The following TFCP2L1 variants were observed in gnomAD, a reference collection of about 807,000 sequenced individuals.
TFCP2L1 encodes transcription factor CP2 like 1, also known as transcription factor CP2-like protein 1.
In TFCP2L1, 12 loss-of-function variants were observed where a neutral mutation model predicts 72.2. The ratio of observed to expected loss-of-function variants is 0.17; its 90% CI spans 0.11 to 0.27. The LOEUF is 0.27. Among genes scored for constraint, TFCP2L1 ranks in the 10% least tolerant of loss-of-function variants. The pLI, the probability that TFCP2L1 is intolerant of heterozygous loss-of-function variation, is 1.00. For missense variants in TFCP2L1, 488 were observed against 624.6 expected, an observed-to-expected ratio of 0.78 and a Z score of 2.33; for synonymous variants, 260 against 251.0, an observed-to-expected ratio of 1.04 and a Z score of -0.34.
Position 121,231,952 on chromosome 2 carries a change from G to A in TFCP2L1, c.1215C>T (p.Phe405=). ...DSNLSVYHAI[F]LEELTTLELI... ...GCTCCAAGGTGGTCAGCTCTTCCAG[G>A]AAGATGGCGTGGTACACTGGGGGAA... Residue 405 remains phenylalanine, a synonymous_variant, in exon 13 of 15, where the codon TTC becomes TTT. Transcript: ENST00000263707. The A allele has an allele frequency of 6.2e-7, 1 of 1,605,300 alleles. No individual in the cohort carries two copies. Among genetic ancestry groups the A allele is most frequent in the Non-Finnish European group, 8.5e-7 (1 of 1,174,240 alleles).
At chr2:121,224,473 G>C in intron 14 of TFCP2L1, 86 bp from the exon 15 acceptor site, 3 of 1,432,398 alleles carry the variant, frequency 2.1e-6, no homozygotes, top group Non-Finnish European at 2.9e-6. Flanking sequence ...CACGCTGTTA[G>C]GGTATCAGCA....
rs749898348 is a variant in TFCP2L1, at chr2:121,218,130, G to A, written c.*6211C>T. ...GTAGTCAGCAGACTTTTTCTGTAAC[G>A]GGCTAGACGGTAAATATTTTGGGCT... On this transcript the variant is annotated 3_prime_UTR_variant, in exon 15 of 15. Transcript: ENST00000263707. 6 of 152,154 alleles carry A rather than the reference G, an allele frequency of 3.9e-5. No individual in the cohort carries two copies. The highest frequency in any genetic ancestry group is 8.8e-5 in the Non-Finnish European group (6 of 68,038). 9.4% of individuals were successfully genotyped at this position (152,154 alleles called of 1,614,324 possible).
intron 12 of TFCP2L1, among the ~76,000 whole-genome samples, chr2:121,232,551 A>G (rs1416273253): frequency 1.3e-5 from 2 of 152,218 alleles, no homozygotes; most frequent in Non-Finnish European, 2.9e-5. Context: ...AGGGAGTATC[A>G]GGCAATTCTG....
In TFCP2L1 at chr2:121,264,779, G is replaced by T. The variant is rs186920559; in HGVS notation, c.215-15132C>A. ...TGCTTTATGAGGCTGGCAGATGGCT[G>T]CCAGTCTGTTACCCATACCCTCTCC... On this transcript the variant is annotated intron_variant, in intron 2 of 14. Transcript: ENST00000263707. Among the ~76,000 whole-genome samples, 23 of 152,330 alleles carry T rather than the reference G, an allele frequency of 1.5e-4. No individual in the cohort carries two copies. In the East Asian group the frequency reaches 2.1e-3, roughly 14 times the overall value.
At chr2:121,238,173 G>A (rs78382780) in intron 8 of TFCP2L1, among the ~76,000 whole-genome samples, 6,502 of 152,208 alleles carry the variant, frequency 0.043, 214 homozygotes, top group Non-Finnish European at 0.067. Context: ...TGAACTTGGA[G>A]ATTCAAAGCC....
intron 13 of TFCP2L1, 52 bp from the exon 14 acceptor site, chr2:121,225,665 G>T: frequency 6.2e-7 from 1 of 1,603,884 alleles, no homozygotes; most frequent in Non-Finnish European, 8.5e-7. Context: ...TCATCATTTG[G>T]AAAGCCTCGG....
chr2:121,230,084 G>A (rs1169081136), intron 13 of TFCP2L1, among the ~76,000 whole-genome samples: 1 of 152,204 alleles, frequency 6.6e-6, no homozygotes, highest in Non-Finnish European at 1.5e-5. Context: ...ATTCCCAGAA[G>A]GGCTCGGGGT....
intron 1 of TFCP2L1, among the ~76,000 whole-genome samples, chr2:121,284,502 G>A (rs573158200): frequency 6.6e-6 from 1 of 152,358 alleles, no homozygotes; most frequent in Admixed American, 6.5e-5. Flanking sequence ...GCGGGCCTCG[G>A]GCGAACACGC....
In TFCP2L1 at chr2:121,220,327, A is replaced by C. The variant is rs989630866; in HGVS notation, c.*4014T>G. On this transcript the variant is annotated 3_prime_UTR_variant, in exon 15 of 15. Transcript: ENST00000263707. ...CCCAAGTCAAAGCCTCGACCTCCCC[A>C]CCCCATCCTGTCCTTTCCACAGGCA... is the stretch of plus-strand genomic sequence containing the variant. The C allele has an allele frequency of 6.6e-6, 1 of 151,876 alleles. No homozygotes were observed. The highest frequency in any genetic ancestry group is 1.5e-5 in the Non-Finnish European group (1 of 68,044). The allele number at this position is 151,876 out of a possible 1,614,324, so 9.4% of individuals were successfully genotyped here.
Position 121,234,099 on chromosome 2 carries a change from T to C in TFCP2L1, c.1190A>G (p.Asn397Ser), listed in dbSNP as rs767274859. 13 of 1,613,042 alleles carry C rather than the reference T, an allele frequency of 8.1e-6. No homozygotes were observed. Among genetic ancestry groups the C allele is most frequent in the South Asian group, 2.2e-5 (2 of 91,042 alleles). The change falls in exon 12 of 15, where the codon AAC becomes AGC. Residue 397 changes from asparagine to serine, a missense_variant. Transcript: ENST00000263707. Reference protein sequence around the residue: ...QQKRDGSGDSNLSVYHAIFLE... With the variant: ...QQKRDGSGDSSLSVYHAIFLE... ...TGCTCCCCACAACTCACCAGACAGG[T>C]TGCTGTCTCCACTGCCGTCCCGCTT...
chr2:121,274,110 GA>G (rs567602173), intron 2 of TFCP2L1, among the ~76,000 whole-genome samples: 151 of 139,256 alleles, frequency 1.1e-3, no homozygotes, highest in African/African-American at 3.3e-3. Flanking sequence ...AAAAAAAAAA[GA>G]AAAAAAAAAC....
intron 3 of TFCP2L1, among the ~76,000 whole-genome samples, 180 bp from the exon 4 acceptor site, chr2:121,249,267 G>C (rs762617625): frequency 7.2e-5 from 11 of 152,090 alleles, no homozygotes; most frequent in African/African-American, 1.5e-4. Flanking sequence ...ACTAACAACA[G>C]CAACAACAGT....
intron 13 of TFCP2L1, among the ~76,000 whole-genome samples, chr2:121,228,091 C>T (rs1686067314): frequency 6.6e-6 from 1 of 152,222 alleles, no homozygotes; most frequent in African/African-American, 2.4e-5. Flanking sequence ...AATTAAGAAC[C>T]AAAGGTTTCC....
intron 1 of TFCP2L1, among the ~76,000 whole-genome samples, chr2:121,282,841 C>G (rs1178412054): frequency 6.6e-6 from 1 of 152,150 alleles, no homozygotes. Flanking sequence ...CGGCACACAC[C>G]CCATCAACAT....
intron 13 of TFCP2L1, among the ~76,000 whole-genome samples, chr2:121,226,946 A>G (rs575318059): frequency 1.3e-5 from 2 of 152,310 alleles, no homozygotes; most frequent in East Asian, 3.9e-4. Flanking sequence ...TGGTTAGCGC[A>G]GCACCGTCTG....
intron 2 of TFCP2L1, among the ~76,000 whole-genome samples, chr2:121,258,820 C>T (rs1686777231): frequency 6.6e-6 from 1 of 151,976 alleles, no homozygotes. Context: ...AACAATTGGC[C>T]CTATTTTAAT....
intron 7 of TFCP2L1, chr2:121,240,141 G>A: frequency 1.0e-6 from 1 of 985,186 alleles, no homozygotes; most frequent in East Asian, 1.1e-4. Context: ...AGGGGCGGAG[G>A]CTCTTGCACA....
intron 2 of TFCP2L1, among the ~76,000 whole-genome samples, chr2:121,269,918 A>AAAAAAAAAAAAAAATATAT: frequency 5.6e-4 from 65 of 115,148 alleles, no homozygotes; most frequent in South Asian, 1.9e-3. Context: ...AAAAAAAAAA[A>AAAAAAAAAAAAAAATATAT]ATATATATAT....
At chr2:121,273,820 T>C (rs922291297) in intron 2 of TFCP2L1, among the ~76,000 whole-genome samples, 2 of 152,218 alleles carry the variant, frequency 1.3e-5, no homozygotes, top group African/African-American at 4.8e-5. Context: ...TTGAATGATG[T>C]GTCAAAACTA....
Sources: allele counts gnomAD v4.1 joint callset (sites outside exome capture counted in the v4.1 genomes callset), GRCh38; gene constraint gnomAD v4.1.1; transcripts MANE v1.5; gene names NCBI Gene and HGNC (gene_info 2026-07-23, HGNC 2026-07-21).